Variants in FRYL observed in about 807,000 individuals in gnomAD.
FRYL encodes the protein FRY like transcription coactivator.
Under a neutral mutation model 351.2 loss-of-function variants are expected in FRYL, and 150 were observed. The observed-to-expected ratio is 0.43, with a 90% CI of 0.37 to 0.49. The LOEUF (loss-of-function observed/expected upper bound fraction) is 0.49. FRYL is among the 20% of genes least tolerant of loss of function. The pLI is 0.00. For missense variants in FRYL, 3,036 were observed against 3,619.3 expected, an observed-to-expected ratio of 0.84 and a Z score of 4.13; for synonymous variants, 1,153 against 1,257.1, an observed-to-expected ratio of 0.92 and a Z score of 1.75.
chr4:48,628,068 G>A (rs1415078132), intron 4 of FRYL, among the ~76,000 whole-genome samples: 1 of 152,084 alleles, frequency 6.6e-6, no homozygotes, highest in Non-Finnish European at 1.5e-5. Context: ...ACCATGCCCG[G>A]CCTCAATATA....
intron 1 of FRYL, among the ~76,000 whole-genome samples, chr4:48,732,418 A>C (rs1292708655): frequency 6.6e-6 from 1 of 152,208 alleles, no homozygotes; most frequent in Non-Finnish European, 1.5e-5. Context: ...CAGCAATCCC[A>C]TTACTGGGCA....
At chr4:48,660,678 A>AC (rs1199355398) in intron 3 of FRYL, among the ~76,000 whole-genome samples, 3 of 152,160 alleles carry the variant, frequency 2.0e-5, no homozygotes, top group African/African-American at 7.2e-5. Flanking sequence ...GACAAACACT[A>AC]CCTCAGCCAG....
intron 1 of FRYL, among the ~76,000 whole-genome samples, chr4:48,737,439 T>C (rs747361255): frequency 2.2e-4 from 33 of 152,054 alleles, no homozygotes; most frequent in Admixed American, 3.3e-4. Flanking sequence ...CAAGAAGAAA[T>C]AGGCAATCTT....
rs1171927170 is a variant in FRYL at position 48,499,270 on chromosome 4, C to T, written c.*152G>A. 3 of 650,158 alleles carry T rather than the reference C, an allele frequency of 4.6e-6. No homozygotes were observed. The highest frequency in any genetic ancestry group is 7.9e-6 in the Non-Finnish European group (3 of 377,838). The allele number at this position is 650,158 out of a possible 1,614,324, so 40.3% of individuals were successfully genotyped here. ...TATCAGATGTTTTTTTCTTTCAGAT[C>T]TTTGTTTTTGATGATACAGTTTGAC... On this transcript the variant is annotated 3_prime_UTR_variant, in exon 64 of 64. Transcript: ENST00000358350.
chr4:48,669,859 A>G (rs1762361597), intron 3 of FRYL, among the ~76,000 whole-genome samples: 1 of 152,016 alleles, frequency 6.6e-6, no homozygotes, highest in Admixed American at 6.6e-5. Flanking sequence ...AATAATATAC[A>G]TCCGTGTAAC....
Position 48,609,825 on chromosome 4 carries a change from T to A in FRYL, c.412-2A>T. The A allele has an allele frequency of 6.4e-7, 1 of 1,551,172 alleles. No homozygotes were observed. The highest frequency in any genetic ancestry group is 8.8e-7 in the Non-Finnish European group (1 of 1,139,170). On this transcript the variant is annotated splice_acceptor_variant, in intron 7 of 63. Coordinates refer to ENST00000358350, the MANE Select transcript of FRYL (RefSeq NM_015030.2). LOFTEE classifies it high-confidence loss of function. ...ATCGGGTACAGGATGAACAGGAATCTAGAATTTAAAAAAATTATCAAGTAA... is the reference window on the plus strand; with the variant it reads ...ATCGGGTACAGGATGAACAGGAATCAAGAATTTAAAAAAATTATCAAGTAA...
intron 1 of FRYL, among the ~76,000 whole-genome samples, chr4:48,733,988 C>T (rs1365394324): frequency 1.3e-5 from 2 of 151,762 alleles, no homozygotes; most frequent in Non-Finnish European, 2.9e-5. Flanking sequence ...GAGTAGAAGA[C>T]AAAAATAGGA....
intron 2 of FRYL, among the ~76,000 whole-genome samples, chr4:48,685,911 G>A (rs1253533853): frequency 6.6e-5 from 10 of 152,110 alleles, no homozygotes; most frequent in African/African-American, 2.2e-4. Context: ...CCGCCACCAC[G>A]CCCGGCTAAT....
intron 55 of FRYL, 84 bp downstream of exon 55, chr4:48,520,964 C>T (rs1724775999): frequency 1.0e-6 from 1 of 995,778 alleles, no homozygotes; most frequent in Non-Finnish European, 1.4e-6. Flanking sequence ...AACTTCAAAA[C>T]TTTTTTGAAA....
intron 7 of FRYL, among the ~76,000 whole-genome samples, chr4:48,616,680 A>G (rs1424149605): frequency 6.6e-6 from 1 of 152,228 alleles, no homozygotes; most frequent in African/African-American, 2.4e-5. Flanking sequence ...AAATTATTCA[A>G]GATACAAATA....
At chr4:48,747,083 T>A (rs1772760938) in intron 1 of FRYL, among the ~76,000 whole-genome samples, 1 of 152,088 alleles carries the variant, frequency 6.6e-6, no homozygotes, top group African/African-American at 2.4e-5. Flanking sequence ...TCCCTGATCC[T>A]ACAATGGGCT....
intron 1 of FRYL, among the ~76,000 whole-genome samples, chr4:48,742,658 C>G (rs1381634111): frequency 1.3e-5 from 2 of 152,110 alleles, no homozygotes; most frequent in Non-Finnish European, 2.9e-5. Context: ...ATTATTCATG[C>G]CTGAACAAAA....
chr4:48,680,263 A>G (rs1030402194), intron 3 of FRYL, among the ~76,000 whole-genome samples: 2 of 152,040 alleles, frequency 1.3e-5, no homozygotes, highest in African/African-American at 4.8e-5. Flanking sequence ...TTAAAAAAAA[A>G]TCATAGAGAA....
chr4:48,547,919 T>C (rs1471886595), intron 40 of FRYL, 150 bp from the exon 41 acceptor site: 10 of 488,844 alleles, frequency 2.0e-5, no homozygotes, highest in Non-Finnish European at 3.4e-5. Context: ...CTAGAGTTCT[T>C]ATATACTTTT....
At chr4:48,683,753 A>G (rs1165234461) in intron 3 of FRYL, among the ~76,000 whole-genome samples, 12 of 152,204 alleles carry the variant, frequency 7.9e-5, no homozygotes, top group Non-Finnish European at 1.5e-4. Flanking sequence ...TTCAAGCATA[A>G]AAGTGTCAAA....
chr4:48,643,213 A>C (rs13119041), intron 3 of FRYL, among the ~76,000 whole-genome samples: 77,031 of 151,970 alleles, frequency 0.51, 19,924 homozygotes, highest in South Asian at 0.61. Context: ...CTACATAGAG[A>C]TGTGTAGCCC....
intron 1 of FRYL, among the ~76,000 whole-genome samples, chr4:48,761,363 T>A (rs2109371023): frequency 6.6e-6 from 1 of 152,246 alleles, no homozygotes; most frequent in African/African-American, 2.4e-5. Flanking sequence ...TCCCACAAGA[T>A]TATAATGAAG....
chr4:48,574,173 T>A (rs530257256), intron 25 of FRYL, among the ~76,000 whole-genome samples: 1 of 152,252 alleles, frequency 6.6e-6, no homozygotes, highest in Non-Finnish European at 1.5e-5. Flanking sequence ...ATTTTAAGAT[T>A]GGGAAAATCT....
intron 3 of FRYL, among the ~76,000 whole-genome samples, chr4:48,643,346 A>G (rs1433206623): frequency 1.3e-5 from 2 of 152,198 alleles, no homozygotes; most frequent in African/African-American, 2.4e-5. Context: ...CTATCTTAAC[A>G]GGCTGTTAAC....
Sources: gnomAD v4.1 joint callset for allele counts (sites outside exome capture counted in the v4.1 genomes callset) on GRCh38, gnomAD v4.1.1 for gene constraint, MANE v1.5 for transcripts, NCBI Gene and HGNC (gene_info 2026-07-23, HGNC 2026-07-21) for gene names.